Variants in CROCC observed in about 807,000 individuals in gnomAD.
CROCC encodes ciliary rootlet coiled-coil, rootletin, also known as rootletin.
A neutral mutation model predicts 245.2 loss-of-function variants in CROCC; 180 were observed. That is an observed-to-expected ratio of 0.73 (90% CI 0.65 to 0.83). The LOEUF (loss-of-function observed/expected upper bound fraction) is 0.83. Ranked by LOEUF, CROCC falls within the 40% of genes least tolerant of loss-of-function variation. The pLI is 0.00. For synonymous variants in CROCC, 1,205 were observed against 1,241.6 expected, an observed-to-expected ratio of 0.97 and a Z score of 0.62; for missense variants, 2,688 against 2,779.4, an observed-to-expected ratio of 0.97 and a Z score of 0.74.
chr1:16,930,509 A>G lies in CROCC; in HGVS notation c.764A>G (p.Glu255Gly). 6.2e-7 allele frequency: 1 copy of G among 1,612,510 alleles called. No homozygotes were observed. Residue 255 changes from glutamate (E) to glycine (G), a missense_variant, in exon 7 of 37, where the codon GAG (glutamate) becomes GGG (glycine). By Grantham distance (98) the Glu-to-Gly change is moderately conservative (BLOSUM62 -2). This residue lies in a region of CROCC where 972 missense variants were observed against 895.3 expected (regional missense o/e 1.09). Transcript: ENST00000375541. ...QAGSANQALSEDIRKVTNDWT... is the reference protein window; with the variant it reads ...QAGSANQALSGDIRKVTNDWT... ...GGCTCGGCCAACCAGGCTCTGAGTG[A>G]GGACATACGAAAGGTGACCAATGAC...
intron 36 of CROCC, 126 bp downstream of exon 36, chr1:16,971,773 T>G: frequency 9.9e-7 from 1 of 1,011,584 alleles, no homozygotes; most frequent in Non-Finnish European, 1.4e-6. Flanking sequence ...AGGGTGGGGT[T>G]GGCTCTGCGC....
chr1:16,969,751 G>A (rs754340762), intron 32 of CROCC, 34 bp from the exon 33 acceptor site: 22 of 1,594,328 alleles, frequency 1.4e-5, no homozygotes, highest in Non-Finnish European at 1.7e-5. Context: ...AGGGCTCCCA[G>A]GCCAGCCAGG....
intron 26 of CROCC, 22 bp from the exon 27 acceptor site, chr1:16,960,735 TC>T: frequency 1.3e-6 from 2 of 1,487,258 alleles, no homozygotes; most frequent in East Asian, 2.7e-5. Flanking sequence ...CTTGCCGACC[TC>T]CACCTCCTGG....
At chr1:16,923,401 C>T (rs2075453656) in intron 2 of CROCC, among the ~76,000 whole-genome samples, 1 of 152,282 alleles carries the variant, frequency 6.6e-6, no homozygotes. Flanking sequence ...TGTTGGCGCC[C>T]TGGAGCCCCA....
At chr1:16,930,803 A>T (rs1367931563) in intron 7 of CROCC, among the ~76,000 whole-genome samples, 1 of 152,288 alleles carries the variant, frequency 6.6e-6, no homozygotes, top group Non-Finnish European at 1.5e-5. Flanking sequence ...ATTCCTCATG[A>T]TAACTGCATG....
intron 27 of CROCC, 152 bp downstream of exon 27, chr1:16,961,282 C>T: frequency 2.6e-6 from 2 of 772,178 alleles, no homozygotes; most frequent in Non-Finnish European, 3.5e-6. Flanking sequence ...TTAGCCCCGT[C>T]CCCTCACCGA....
Position 16,944,002 on chromosome 1 carries a change from C to T in CROCC, c.1809-98C>T, listed in dbSNP as rs529677222. 1.1e-4 allele frequency: 146 copies of T among 1,270,168 alleles called. No individual in the cohort carries two copies. In the African/African-American group the frequency reaches 1.9e-3, roughly 17 times the overall value. 78.7% of individuals were successfully genotyped at this position (1,270,168 alleles called of 1,614,324 possible). A position where few individuals can be genotyped will look rare whatever the true frequency, so the allele number is the denominator to read the frequency against. On this transcript the variant is annotated intron_variant, in intron 13 of 36. Transcript: ENST00000375541. ...TCCTGGAGGCAGGTGCCTTGGAAGACTGGAGGATGTAGCTCATGGCTAGAG... is the reference window on the plus strand; with the variant it reads ...TCCTGGAGGCAGGTGCCTTGGAAGATTGGAGGATGTAGCTCATGGCTAGAG...
At chr1:16,938,365 C>T (rs761005841) in intron 10 of CROCC, 35 bp from the exon 11 acceptor site, 3 of 1,535,168 alleles carry the variant, frequency 2.0e-6, no homozygotes, top group Non-Finnish European at 2.6e-6. Flanking sequence ...AAGACAGAAC[C>T]CCAACCACCC....
At position 16,924,301 on chromosome 1, in the gene CROCC, C is replaced by A. The variant is rs767340185; in HGVS notation, c.197-24C>A. ...TGTCCCACTGGACCCAGAAGCCAAC[C>A]ATGTGCCCACTGTCCCTTGCCAGTC... On this transcript the variant is annotated intron_variant, in intron 2 of 36. Coordinates refer to ENST00000375541, the MANE Select transcript of CROCC (RefSeq NM_014675.5). 6.8e-6 allele frequency: 11 copies of A among 1,606,206 alleles called. No homozygotes were observed. In the East Asian group the frequency reaches 2.2e-4, roughly 33 times the overall value.
intron 27 of CROCC, among the ~76,000 whole-genome samples, chr1:16,962,274 G>C (rs1411307834): frequency 9.3e-5 from 14 of 151,284 alleles, no homozygotes; most frequent in Middle Eastern, 3.4e-3. Flanking sequence ...GGCTGGGCGC[G>C]GTGGCTCATG....
intron 8 of CROCC, among the ~76,000 whole-genome samples, chr1:16,933,344 G>A (rs1164164591): frequency 6.6e-6 from 1 of 152,076 alleles, no homozygotes; most frequent in Non-Finnish European, 1.5e-5. Context: ...ACACATGCCT[G>A]TAATCCCAGC....
chr1:16,958,446 G>A (rs1169262705), intron 25 of CROCC, 137 bp from the exon 26 acceptor site: 5 of 1,065,664 alleles, frequency 4.7e-6, no homozygotes, highest in Non-Finnish European at 6.7e-6. Context: ...TGGTTGTGTA[G>A]GGGCCGGCTC....
In CROCC at chr1:16,954,795, C is replaced by T. The variant is rs1236480815; in HGVS notation, c.3383C>T (p.Ala1128Val). The change falls in exon 23 of 37, where the codon GCT becomes GTT. Residue 1128 changes from alanine to valine, a missense_variant. By Grantham distance (64) the Ala-to-Val change is moderately conservative. Transcript: ENST00000375541. The surrounding 1 kb of genome is among the most constrained non-coding windows in gnomAD (Gnocchi z 4.4). ...CTACGGGCCCAGCGGGAGGAGGCTGCTGCGGCCCACGCCCAGGAGGTGAGG... is the reference window on the plus strand; with the variant it reads ...CTACGGGCCCAGCGGGAGGAGGCTGTTGCGGCCCACGCCCAGGAGGTGAGG... The part of the protein sequence containing the change: ...RDLRAQREEA[A>V]AAHAQEVRRL... 54 of 1,552,946 alleles carry T rather than the reference C, an allele frequency of 3.5e-5. No individual in the cohort carries two copies. The East Asian group carries it at 1.3e-3, about 38-fold the overall frequency.
At chr1:16,968,841 A>G (rs2076463702) in intron 31 of CROCC, among the ~76,000 whole-genome samples, 1 of 152,114 alleles carries the variant, frequency 6.6e-6, no homozygotes, top group African/African-American at 2.4e-5. Flanking sequence ...AGCAGAGAGG[A>G]GAGAGGAGTG....
At chr1:16,967,047 T>TA (rs1299819712) in intron 30 of CROCC, among the ~76,000 whole-genome samples, 2 of 96,080 alleles carry the variant, frequency 2.1e-5, no homozygotes, top group Non-Finnish European at 5.0e-5. Context: ...TGAGACCCTG[T>TA]AAAAAAGAAA....
At chr1:16,950,513 A>C (rs573096817) in intron 19 of CROCC, among the ~76,000 whole-genome samples, 2 of 151,668 alleles carry the variant, frequency 1.3e-5, no homozygotes, top group Non-Finnish European at 2.9e-5. Flanking sequence ...GCCTGCCACC[A>C]CGCCTGGCTA....
chr1:16,970,916 G>C, intron 35 of CROCC, 149 bp downstream of exon 35: 1 of 928,488 alleles, frequency 1.1e-6, no homozygotes, highest in Non-Finnish European at 1.5e-6. Context: ...GGGCCATGGA[G>C]GGATGGGTTC....
chr1:16,922,205 G>A lies in CROCC; in HGVS notation c.60+127G>A. The A allele has an allele frequency of 6.9e-6, 7 of 1,011,878 alleles. No homozygotes were observed. The South Asian group carries it at 7.2e-5, about 10-fold the overall frequency. 62.7% of individuals were successfully genotyped at this position (1,011,878 alleles called of 1,614,324 possible). A position where few individuals can be genotyped will look rare whatever the true frequency, so the allele number is the denominator to read the frequency against. ...AGGTGTGGTGGTGGTGGGGTATACA[G>A]GGGCCCCCCGCTTGCAGTTCCTGGC... On this transcript the variant is annotated intron_variant, in intron 1 of 36. Coordinates refer to ENST00000375541, the MANE Select transcript of CROCC (RefSeq NM_014675.5).
chr1:16,918,555 C>T (rs1472030732), upstream of CROCC, among the ~76,000 whole-genome samples: 2 of 152,192 alleles, frequency 1.3e-5, no homozygotes, highest in Non-Finnish European at 2.9e-5. Flanking sequence ...GGGGCCCCCT[C>T]TGCTGAGCTG....
Sources: allele counts gnomAD v4.1 joint callset (sites outside exome capture counted in the v4.1 genomes callset), GRCh38; gene constraint gnomAD v4.1.1; regional missense constraint gnomAD v4.1.1; non-coding constraint Gnocchi (gnomAD v3.1); transcripts MANE v1.5; gene names NCBI Gene and HGNC (gene_info 2026-07-23, HGNC 2026-07-21).